The following MORC1 variants were observed in gnomAD, a reference collection of about 807,000 sequenced individuals.
MORC1 encodes the protein MORC family CW-type zinc finger protein 1.
Under a neutral mutation model 134.9 loss-of-function variants are expected in MORC1, and 59 were observed. The ratio of observed to expected loss-of-function variants is 0.44; its 90% CI spans 0.35 to 0.54. MORC1 has a LOEUF of 0.54. MORC1 is among the 20% of genes least tolerant of loss of function. The probability of loss-of-function intolerance (pLI) is 0.00; values close to 1 mark genes in which losing one functional copy is unlikely to be tolerated. For missense variants in MORC1, 947 were observed against 1,134.5 expected (o/e 0.83, Z 2.37); for synonymous variants, 395 against 391.7 (o/e 1.01, Z -0.10).
At chr3:109,035,553 A>G (rs1280842512) in intron 14 of MORC1, 85 bp from the exon 15 acceptor site, 2 of 799,272 alleles carry the variant, frequency 2.5e-6, no homozygotes, top group African/African-American at 3.5e-5. Flanking sequence ...TGTATATACA[A>G]TATGATCTCA....
At chr3:108,992,394 C>T (rs1948088920) in intron 21 of MORC1, among the ~76,000 whole-genome samples, 1 of 152,092 alleles carries the variant, frequency 6.6e-6, no homozygotes, top group South Asian at 2.1e-4. Context: ...GTTATTACTC[C>T]AGCACATATT....
At chr3:109,049,022 T>G in intron 14 of MORC1, 1 of 441,646 alleles carries the variant, frequency 2.3e-6, no homozygotes, top group Non-Finnish European at 3.0e-6. Context: ...ATACATAAAA[T>G]CTTTAACTTC....
intron 22 of MORC1, among the ~76,000 whole-genome samples, chr3:108,986,523 A>G (rs1319704019): frequency 6.6e-6 from 1 of 152,212 alleles, no homozygotes. Flanking sequence ...GGGGACTGTC[A>G]TCATCATAAT....
At chr3:108,983,434 CT>C (rs1947806442) in intron 23 of MORC1, among the ~76,000 whole-genome samples, 2 of 151,866 alleles carry the variant, frequency 1.3e-5, no homozygotes, top group Admixed American at 1.3e-4. Flanking sequence ...GTAATACACG[CT>C]TTGAAAAAAA....
chr3:108,968,119 A>G (rs930835690), intron 26 of MORC1, among the ~76,000 whole-genome samples: 10 of 152,232 alleles, frequency 6.6e-5, no homozygotes, highest in African/African-American at 2.4e-4. Flanking sequence ...TGAAAATAAT[A>G]TTAGTGGTAG....
At chr3:109,108,238 T>C (rs1322061513) in intron 3 of MORC1, among the ~76,000 whole-genome samples, 1 of 152,140 alleles carries the variant, frequency 6.6e-6, no homozygotes, top group Non-Finnish European at 1.5e-5. Context: ...CAAGATCTTA[T>C]TTTGTTTGTT....
At chr3:109,043,149 T>C (rs1339216910) in intron 14 of MORC1, among the ~76,000 whole-genome samples, 1 of 121,098 alleles carries the variant, frequency 8.3e-6, no homozygotes, top group Non-Finnish European at 1.6e-5. Flanking sequence ...CTCAAGTGTC[T>C]ATCCACAGAT....
chr3:109,084,569 T>C (rs1235578040), intron 8 of MORC1, among the ~76,000 whole-genome samples: 1 of 152,112 alleles, frequency 6.6e-6, no homozygotes, highest in East Asian at 1.9e-4. Flanking sequence ...TGTTAAATAT[T>C]AAATACCACC....
intron 17 of MORC1, among the ~76,000 whole-genome samples, chr3:109,024,645 C>T (rs529099418): frequency 5.9e-5 from 9 of 152,180 alleles, no homozygotes; most frequent in African/African-American, 2.2e-4. Context: ...CAGGTCTGGT[C>T]AATGGATAAG....
intron 21 of MORC1, among the ~76,000 whole-genome samples, chr3:108,998,971 G>A (rs1252588526): frequency 6.6e-6 from 1 of 152,192 alleles, no homozygotes; most frequent in Non-Finnish European, 1.5e-5. Context: ...TGAGAGAGGT[G>A]ACAAAGTAAG....
intron 23 of MORC1, 118 bp downstream of exon 23, chr3:108,984,598 C>A: frequency 1.3e-6 from 1 of 742,002 alleles, no homozygotes; most frequent in South Asian, 2.1e-5. Context: ...AATTTGGTTC[C>A]ATTCTTGATT....
At chr3:109,012,568 ATG>A (rs1180817480) in intron 17 of MORC1, among the ~76,000 whole-genome samples, 2 of 152,080 alleles carry the variant, frequency 1.3e-5, no homozygotes, top group African/African-American at 4.8e-5. Context: ...GTCTTCATTT[ATG>A]TGTTTTATTT....
At chr3:109,117,851 T>A (rs1951304619) in intron 1 of MORC1, 144 bp downstream of exon 1, 2 of 727,722 alleles carry the variant, frequency 2.7e-6, no homozygotes, top group South Asian at 3.7e-5. Context: ...TTCATCGTTT[T>A]AAAAAAAGCC....
intron 16 of MORC1, among the ~76,000 whole-genome samples, chr3:109,028,846 T>G (rs1949160007): frequency 6.6e-6 from 1 of 152,162 alleles, no homozygotes; most frequent in Non-Finnish European, 1.5e-5. Context: ...CACGCAGTAG[T>G]GTCGTAAGAC....
At chr3:108,992,418 A>C (rs1016274921) in intron 21 of MORC1, among the ~76,000 whole-genome samples, 2 of 152,134 alleles carry the variant, frequency 1.3e-5, no homozygotes, top group Non-Finnish European at 2.9e-5. Context: ...CCTTCCTCTG[A>C]ATAACTATTA....
intron 13 of MORC1, 66 bp from the exon 14 acceptor site, chr3:109,054,948 G>A (rs1949922316): frequency 7.2e-7 from 1 of 1,392,882 alleles, no homozygotes; most frequent in Non-Finnish European, 9.8e-7. Context: ...AATATATTCT[G>A]GTCATTTGAA....
intron 13 of MORC1, among the ~76,000 whole-genome samples, chr3:109,055,530 C>A (rs112769903): frequency 1.1e-3 from 169 of 152,314 alleles, no homozygotes; most frequent in African/African-American, 4.0e-3. Flanking sequence ...ACTCTTCCAC[C>A]TTGCTTTCCT....
chr3:109,092,523 T>C (rs1950751561), intron 8 of MORC1, among the ~76,000 whole-genome samples: 1 of 152,140 alleles, frequency 6.6e-6, no homozygotes, highest in African/African-American at 2.4e-5. Flanking sequence ...AATTCATATG[T>C]GCTGTATGTT....
chr3:109,063,088 G>GT (rs1479572938), intron 10 of MORC1, 64 bp downstream of exon 10: 3 of 1,221,268 alleles, frequency 2.5e-6, no homozygotes, highest in South Asian at 1.4e-5. Context: ...CTCAAAATAA[G>GT]TGCACAATTA....
Sources: allele counts gnomAD v4.1 joint callset (sites outside exome capture counted in the v4.1 genomes callset), GRCh38; gene constraint gnomAD v4.1.1; transcripts MANE v1.5; gene names NCBI Gene and HGNC (gene_info 2026-07-23, HGNC 2026-07-21).